PALM2AKAP2: variants seen among roughly 807,000 people sequenced by gnomAD.
PALM2AKAP2 encodes PALM2-AKAP2 fusion protein.
In PALM2AKAP2, 37 loss-of-function variants were observed where a neutral mutation model predicts 71.5. The observed-to-expected ratio is 0.52, with a 90% CI of 0.40 to 0.68. PALM2AKAP2 has a LOEUF of 0.68. PALM2AKAP2 is among the 30% of genes least tolerant of loss of function. The probability of loss-of-function intolerance (pLI) is 0.00; values close to 1 mark genes in which losing one functional copy is unlikely to be tolerated. For missense variants in PALM2AKAP2, 1,224 were observed against 1,191.8 expected (o/e 1.03, Z -0.40); for synonymous variants, 468 against 478.8 (o/e 0.98, Z 0.29).
At chr9:109,852,375 C>A (rs1829043971) in intron 1 of PALM2AKAP2, among the ~76,000 whole-genome samples, 1 of 152,170 alleles carries the variant, frequency 6.6e-6, no homozygotes, top group African/African-American at 2.4e-5. Flanking sequence ...TGATTTCATT[C>A]TTTTTTATGG....
chr9:109,686,934 T>C (rs1827813945), intron 1 of PALM2AKAP2, among the ~76,000 whole-genome samples: 1 of 151,884 alleles, frequency 6.6e-6, no homozygotes, highest in Non-Finnish European at 1.5e-5. Flanking sequence ...AGTGTTTGGT[T>C]TTTTGTCCTT....
chr9:109,836,024 G>A (rs1467320158), intron 1 of PALM2AKAP2, among the ~76,000 whole-genome samples: 1 of 152,226 alleles, frequency 6.6e-6, no homozygotes, highest in Non-Finnish European at 1.5e-5. Flanking sequence ...CAGCTTTGAA[G>A]AGAGTAGTGG....
chr9:109,794,299 G>T (rs555909008), intron 1 of PALM2AKAP2, among the ~76,000 whole-genome samples: 3 of 151,894 alleles, frequency 2.0e-5, no homozygotes, highest in Non-Finnish European at 4.4e-5. Context: ...ATCTCTTAGG[G>T]TTAACAGTTT....
chr9:110,145,873 C>G (rs1836153168), intron 2 of PALM2AKAP2, among the ~76,000 whole-genome samples: 1 of 143,490 alleles, frequency 7.0e-6, no homozygotes, highest in Non-Finnish European at 1.5e-5. Context: ...GTTAAACCTG[C>G]CTGTCAGCCT....
chr9:110,019,361 T>C (rs1833033999), intron 7 of PALM2AKAP2, among the ~76,000 whole-genome samples: 1 of 152,180 alleles, frequency 6.6e-6, no homozygotes. Flanking sequence ...TATACACTGT[T>C]GGTAGCAATG....
At chr9:110,111,815 C>T (rs552572134) in intron 1 of PALM2AKAP2, among the ~76,000 whole-genome samples, 1 of 152,208 alleles carries the variant, frequency 6.6e-6, no homozygotes, top group African/African-American at 2.4e-5. Flanking sequence ...ATCCTCCAGT[C>T]AACGTTTTGG....
chr9:109,913,666 G>A (rs1008056995), intron 3 of PALM2AKAP2, among the ~76,000 whole-genome samples: 1 of 151,912 alleles, frequency 6.6e-6, no homozygotes, highest in Non-Finnish European at 1.5e-5. Flanking sequence ...TCAACAATAT[G>A]TGGTAAGTGT....
intron 6 of PALM2AKAP2, among the ~76,000 whole-genome samples, chr9:109,939,872 C>T (rs1222162194): frequency 6.6e-6 from 1 of 152,176 alleles, no homozygotes; most frequent in African/African-American, 2.4e-5. Context: ...ACAAGTGAAA[C>T]TTTCAAAATG....
intron 1 of PALM2AKAP2, among the ~76,000 whole-genome samples, chr9:109,750,570 A>AAGTGTGTGTGTG (rs746154004): frequency 0.023 from 2,247 of 97,820 alleles, 37 homozygotes; most frequent in South Asian, 0.038. Context: ...CTGCCCTAGG[A>AAGTGTGTGTGTG]CGTGTGTGTG....
At chr9:109,792,094 A>G (rs1827126063) in intron 1 of PALM2AKAP2, among the ~76,000 whole-genome samples, 1 of 152,138 alleles carries the variant, frequency 6.6e-6, no homozygotes, top group African/African-American at 2.4e-5. Flanking sequence ...TGAGTTGTAG[A>G]TACACTTATG....
chr9:110,055,921 G>A (rs564668121), intron 1 of PALM2AKAP2, among the ~76,000 whole-genome samples: 1 of 152,298 alleles, frequency 6.6e-6, no homozygotes, highest in African/African-American at 2.4e-5. Flanking sequence ...GATTCCTCAG[G>A]TGGCCATCCT....
At chr9:109,805,764 C>T (rs746934298) in intron 1 of PALM2AKAP2, among the ~76,000 whole-genome samples, 1 of 152,128 alleles carries the variant, frequency 6.6e-6, no homozygotes, top group Admixed American at 6.5e-5. Flanking sequence ...TAAAGTAGAC[C>T]GGGTGACCTG....
At chr9:109,831,069 A>G (rs1029394650) in intron 1 of PALM2AKAP2, among the ~76,000 whole-genome samples, 4 of 151,648 alleles carry the variant, frequency 2.6e-5, no homozygotes, top group East Asian at 3.9e-4. Flanking sequence ...GAGCTGTTCA[A>G]TTGGAGGTGA....
At chr9:109,742,154 C>T (rs1828723669) in intron 1 of PALM2AKAP2, among the ~76,000 whole-genome samples, 1 of 152,018 alleles carries the variant, frequency 6.6e-6, no homozygotes, top group South Asian at 2.1e-4. Flanking sequence ...AATGACATAA[C>T]TTTTTATTTT....
At chr9:110,060,798 C>T (rs538930215) in intron 1 of PALM2AKAP2, among the ~76,000 whole-genome samples, 273 of 152,174 alleles carry the variant, frequency 1.8e-3, no homozygotes, top group African/African-American at 6.4e-3. Flanking sequence ...GACGGGATTT[C>T]GCCATGTTGG....
chr9:110,102,605 C>G (rs1835025303), intron 1 of PALM2AKAP2, among the ~76,000 whole-genome samples: 1 of 152,042 alleles, frequency 6.6e-6, no homozygotes, highest in South Asian at 2.1e-4. Context: ...CCACTCCTCC[C>G]CTCCCCTCCC....
intron 1 of PALM2AKAP2, among the ~76,000 whole-genome samples, chr9:109,735,062 A>G (rs1397170175): frequency 6.6e-6 from 1 of 151,718 alleles, no homozygotes; most frequent in Non-Finnish European, 1.5e-5. Flanking sequence ...AGCAACTCCA[A>G]ATATTACCTT....
chr9:110,111,141 G>GAGTAC (rs1164262050), intron 1 of PALM2AKAP2, among the ~76,000 whole-genome samples: 1 of 132,542 alleles, frequency 7.5e-6, no homozygotes, highest in Non-Finnish European at 1.5e-5. Context: ...ACCCAGGCTG[G>GAGTAC]AGTACAGTGG....
intron 6 of PALM2AKAP2, among the ~76,000 whole-genome samples, chr9:109,976,956 T>C (rs552771423): frequency 6.6e-6 from 1 of 152,180 alleles, no homozygotes; most frequent in African/African-American, 2.4e-5. Context: ...GTGCCAGAGC[T>C]TCAGGCTTAG....
Sources: allele counts gnomAD v4.1 joint callset (sites outside exome capture counted in the v4.1 genomes callset), GRCh38; gene constraint gnomAD v4.1.1; transcripts MANE v1.5; gene names NCBI Gene and HGNC (gene_info 2026-07-23, HGNC 2026-07-21).